Variants in SALL4 observed in about 807,000 individuals in gnomAD.
SALL4 encodes the protein spalt like transcription factor 4.
In SALL4, 4 loss-of-function variants were observed where a neutral mutation model predicts 60.8. That is an observed-to-expected ratio of 0.07 (90% CI 0.03 to 0.15). The LOEUF (loss-of-function observed/expected upper bound fraction) is 0.15, where lower values mean the gene tolerates loss of function less well. SALL4 is among the 10% of genes least tolerant of loss of function. The pLI is 1.00. For synonymous variants in SALL4, 580 were observed against 574.9 expected (o/e 1.01, Z -0.13); for missense variants, 1,178 against 1,394.7 (o/e 0.84, Z 2.48).
In SALL4 at chr20:51,802,467, C is replaced by T; in HGVS notation, c.-59G>A. On this transcript the variant is annotated 5_prime_UTR_variant, in exon 1 of 4. Transcript: ENST00000217086. ...TTATTTGCCCTCTCCGCCACAAATTCCTGGAGTTGGGAAATTTACCCCCCT... is the reference window on the plus strand; with the variant it reads ...TTATTTGCCCTCTCCGCCACAAATTTCTGGAGTTGGGAAATTTACCCCCCT... 1 of 1,610,404 alleles carries T rather than the reference C, an allele frequency of 6.2e-7. No homozygotes were observed. The highest frequency in any genetic ancestry group is 8.5e-7 in the Non-Finnish European group (1 of 1,178,952).
chr20:51,792,821 G>T (rs902279597), intron 1 of SALL4: 1 of 1,038,742 alleles, frequency 9.6e-7, no homozygotes, highest in Non-Finnish European at 1.2e-6. Flanking sequence ...TTAGCCAGAT[G>T]CTGGGGTCCT....
At chr20:51,795,370 G>A (rs961052425) in intron 1 of SALL4, among the ~76,000 whole-genome samples, 2 of 152,168 alleles carry the variant, frequency 1.3e-5, no homozygotes, top group Admixed American at 1.3e-4. Flanking sequence ...CAGTGCCACT[G>A]CACTCCAGCC....
rs1351898207 is a variant in SALL4 at position 51,792,277 on chromosome 20, T to C, written c.206A>G (p.Glu69Gly). The C allele has an allele frequency of 1.3e-5, 21 of 1,612,268 alleles. No individual in the cohort carries two copies. Among genetic ancestry groups the C allele is most frequent in the Non-Finnish European group, 1.8e-5 (21 of 1,180,028 alleles). ...DEATVKRLRR[E>G]ETHVCEKCCA... ...GCATTTCTCACAGACGTGCGTCTCC[T>C]CCCGACGAAGCCGCTTTACTGTGGC... The change falls in exon 2 of 4, where the codon GAG becomes GGG. Residue 69 changes from glutamate to glycine, a missense_variant. Coordinates refer to ENST00000217086, the MANE Select transcript of SALL4 (RefSeq NM_020436.5).
Position 51,788,739 on chromosome 20 carries a change from A to T in SALL4, c.2742+122T>A. 1.7e-6 allele frequency: 2 copies of T among 1,202,768 alleles called. No individual in the cohort carries two copies. The highest frequency in any genetic ancestry group is 1.2e-5 in the South Asian group (1 of 81,710). The allele number at this position is 1,202,768 out of a possible 1,614,324, so 74.5% of individuals were successfully genotyped here. ...ATAAACAAACTCCTGGACTCAAGCA[A>T]TCCTCCCACCTCGGCCTCCCAAAGG... On this transcript the variant is annotated intron_variant, in intron 3 of 3. Coordinates refer to ENST00000217086, the MANE Select transcript of SALL4 (RefSeq NM_020436.5). This position sits in a 1 kb window ranked among gnomAD's most constrained non-coding sequence, Gnocchi z 4.1.
At position 51,784,655 on chromosome 20, in the gene SALL4, A is replaced by G; in HGVS notation, c.2772T>C (p.Asn924=). 1.2e-6 allele frequency: 2 copies of G among 1,614,188 alleles called. No individual in the cohort carries two copies. Among genetic ancestry groups the G allele is most frequent in the Non-Finnish European group, 1.7e-6 (2 of 1,180,024 alleles). ...ACTTCCTTCCACGGCGGGCTGAGTT[A>G]TTGTTCGCCCCGTGTGTCATGTAGT... ...KVHYMTHGAN[N]NSARRGRKLA... is the part of the protein sequence containing the mutation. Residue 924 remains asparagine, a synonymous_variant, in exon 4 of 4, where the codon AAT becomes AAC. Transcript: ENST00000217086.
At position 51,790,474 on chromosome 20, in the gene SALL4, G is replaced by A; in HGVS notation, c.2009C>T (p.Pro670Leu). Reference sequence around the variant, plus strand: ...GCTGCCGTTCTCACCCACGGTCATTGGCTCAGAACCCGTAAAGTCACAGGG... The same window carrying A: ...GCTGCCGTTCTCACCCACGGTCATTAGCTCAGAACCCGTAAAGTCACAGGG... ...ENPCDFTGSE[P>L]MTVGENGSTG... is the part of the protein sequence containing the mutation. Residue 670 changes from proline (P) to leucine (L), a missense_variant, in exon 2 of 4, where the codon CCA becomes CTA. Physicochemically the swap from Pro to Leu is moderately conservative, Grantham distance 98. Around this residue, in one of 5 missense-constraint regions of SALL4, gnomAD observed 853 missense variants for 1,036.8 expected, o/e 0.82. Transcript: ENST00000217086. This position sits in a 1 kb window ranked among gnomAD's most constrained non-coding sequence, Gnocchi z 5.5. 1.9e-6 allele frequency: 3 copies of A among 1,614,092 alleles called. No individual in the cohort carries two copies. The highest frequency in any genetic ancestry group is 2.5e-6 in the Non-Finnish European group (3 of 1,180,048).
intron 2 of SALL4, among the ~76,000 whole-genome samples, 166 bp from the exon 3 acceptor site, chr20:51,789,307 G>C (rs1162041574): frequency 2.0e-5 from 3 of 151,160 alleles, no homozygotes; most frequent in Non-Finnish European, 1.5e-5. Context: ...TCTGCACAAA[G>C]AATAAAGCTT....
intron 1 of SALL4, 34 bp downstream of exon 1, chr20:51,802,245 C>G (rs202052776): frequency 6.4e-7 from 1 of 1,566,736 alleles, no homozygotes; most frequent in African/African-American, 1.4e-5. Context: ...CCGGGAAGCT[C>G]CCCTCCCCGG....
intron 3 of SALL4, among the ~76,000 whole-genome samples, chr20:51,785,601 A>G (rs1050737360): frequency 2.0e-5 from 3 of 152,064 alleles, no homozygotes; most frequent in Non-Finnish European, 4.4e-5. Context: ...AAAACCTACT[A>G]TATCCTGGGC....
rs2122949637 is a variant in SALL4 at position 51,783,592 on chromosome 20, G to A, written c.*673C>T. On this transcript the variant is annotated 3_prime_UTR_variant, in exon 4 of 4. Coordinates refer to ENST00000217086, the MANE Select transcript of SALL4 (RefSeq NM_020436.5). ...TGTCTTTTCCACTGTTGTTCAGTAA[G>A]TTCCAACGATTCTACCTTGAAATAG... The A allele has an allele frequency of 6.5e-6, 1 of 153,066 alleles. No homozygotes were observed. Among genetic ancestry groups the A allele is most frequent in the South Asian group, 2.1e-4 (1 of 4,870 alleles). The allele number at this position is 153,066 out of a possible 1,614,324, so 9.5% of individuals were successfully genotyped here. A position where few individuals can be genotyped will look rare whatever the true frequency, so the allele number is the denominator to read the frequency against.
At position 51,788,323 on chromosome 20, in the gene SALL4, T is replaced by TTGTGTGTGTGTGTGTGTG. The variant is rs3030173; in HGVS notation, c.2742+520_2742+537dup. 7.1e-6 allele frequency among the ~76,000 whole-genome samples: 1 copy of TTGTGTGTGTGTGTGTGTG among 141,838 alleles called. No individual in the cohort carries two copies. Among genetic ancestry groups the TTGTGTGTGTGTGTGTGTG allele is most frequent in the African/African-American group, 2.6e-5 (1 of 37,786 alleles). The allele number at this position is 141,838 out of a possible 152,430, so 93.1% of individuals were successfully genotyped here. A position where few individuals can be genotyped will look rare whatever the true frequency, so the allele number is the denominator to read the frequency against. ...GCATGCAACACCATGCCCAACTAAT[T>TTGTGTGTGTGTGTGTGTG]TGTGTGTGTGTGTGTGTGTGTGTGT... On this transcript the variant is annotated intron_variant, in intron 3 of 3. Coordinates refer to ENST00000217086, the MANE Select transcript of SALL4 (RefSeq NM_020436.5). This position sits in a 1 kb window ranked among gnomAD's most constrained non-coding sequence, Gnocchi z 4.1.
Position 51,788,155 on chromosome 20 carries a change from A to G in SALL4, c.2742+706T>C, listed in dbSNP as rs2078005802. On this transcript the variant is annotated intron_variant, in intron 3 of 3. Coordinates refer to ENST00000217086, the MANE Select transcript of SALL4 (RefSeq NM_020436.5). This position sits in a 1 kb window ranked among gnomAD's most constrained non-coding sequence, Gnocchi z 4.1. ...TTCTAATTTTTAAAATTAAAATGTA[A>G]ACATTTTAATTTTTTTAAGAGACAA... Among the ~76,000 whole-genome samples the G allele has an allele frequency of 6.7e-6, 1 of 149,766 alleles. No homozygotes were observed. Among genetic ancestry groups the G allele is most frequent in the Admixed American group, 6.6e-5 (1 of 15,154 alleles).
chr20:51,793,002 T>C (rs1253203478), intron 1 of SALL4: 2 of 983,562 alleles, frequency 2.0e-6, no homozygotes, highest in Non-Finnish European at 2.4e-6. Flanking sequence ...ACACAAGACA[T>C]TCACACGAGC....
intron 1 of SALL4, chr20:51,797,702 ACCCCAC>A (rs1370577048): frequency 7.6e-6 from 1 of 132,342 alleles, no homozygotes; most frequent in African/African-American, 2.8e-5. Context: ...CCATTTCTCC[ACCCCAC>A]CCCCACCCCG....
chr20:51,798,421 CT>C (rs2078091123), intron 1 of SALL4, among the ~76,000 whole-genome samples: 1 of 144,300 alleles, frequency 6.9e-6, no homozygotes, highest in African/African-American at 2.6e-5. Context: ...CAGAGCCCCC[CT>C]GAACAAATCC....
chr20:51,790,821 C>T lies in SALL4; in HGVS notation c.1662G>A (p.Leu554=). 1 of 1,614,072 alleles carries T rather than the reference C, an allele frequency of 6.2e-7. No homozygotes were observed. Among genetic ancestry groups the T allele is most frequent in the Non-Finnish European group, 8.5e-7 (1 of 1,180,022 alleles). ...TGGTGGCCTTGTCAATGTTCTCCACCAACTGCTGCAATTTCAGGGTCTCTG... is the reference window on the plus strand; with the variant it reads ...TGGTGGCCTTGTCAATGTTCTCCACTAACTGCTGCAATTTCAGGGTCTCTG... ...PGSETLKLQQ[L]VENIDKATTD... The change falls in exon 2 of 4, where the codon TTG becomes TTA. Residue 554 remains leucine, a synonymous_variant. Coordinates refer to ENST00000217086, the MANE Select transcript of SALL4 (RefSeq NM_020436.5). The surrounding 1 kb of genome is among the most constrained non-coding windows in gnomAD (Gnocchi z 5.5).
chr20:51,789,378 T>A (rs1363193064), intron 2 of SALL4, among the ~76,000 whole-genome samples: 1 of 151,954 alleles, frequency 6.6e-6, no homozygotes, highest in Non-Finnish European at 1.5e-5. Flanking sequence ...GGGCAACATA[T>A]AAACACATAT....
At position 51,801,408 on chromosome 20, in the gene SALL4, A is replaced by G. The variant is rs1388265408; in HGVS notation, c.130+871T>C. 1 of 152,256 alleles carries G rather than the reference A, an allele frequency of 6.6e-6. No homozygotes were observed. The highest frequency in any genetic ancestry group is 2.4e-5 in the African/African-American group (1 of 41,448). The allele number at this position is 152,256 out of a possible 1,614,324, so 9.4% of individuals were successfully genotyped here. On this transcript the variant is annotated intron_variant, in intron 1 of 3. Coordinates refer to ENST00000217086, the MANE Select transcript of SALL4 (RefSeq NM_020436.5). This position sits in a 1 kb window ranked among gnomAD's most constrained non-coding sequence, Gnocchi z 5.2. Reference sequence around the variant, plus strand: ...GCAAATGTGGAAAGCCGAGCGCTCCAGAAAAGCCACGCAAAACGGGAGGCC... The same window carrying G: ...GCAAATGTGGAAAGCCGAGCGCTCCGGAAAAGCCACGCAAAACGGGAGGCC...
Position 51,791,925 on chromosome 20 carries a change from T to C in SALL4, c.558A>G (p.Leu186=), listed in dbSNP as rs1442100663. The change falls in exon 2 of 4, where the codon CTA becomes CTG. Residue 186 remains leucine, a synonymous_variant. Transcript: ENST00000217086. The surrounding 1 kb of genome is among the most constrained non-coding windows in gnomAD (Gnocchi z 4.6). ...GATTCACCGCCACCTTGGTGCCCCG[T>C]AGTGCCTGCAAGGTCACATTAGTGT... ...VANTNVTLQA[L]RGTKVAVNQR... is the part of the protein sequence containing the mutation. 2.5e-6 allele frequency: 4 copies of C among 1,614,240 alleles called. No homozygotes were observed. Among genetic ancestry groups the C allele is most frequent in the Non-Finnish European group, 2.5e-6 (3 of 1,180,038 alleles).
Sources: gnomAD v4.1 joint callset for allele counts (sites outside exome capture counted in the v4.1 genomes callset) on GRCh38, gnomAD v4.1.1 for gene constraint, gnomAD v4.1.1 regional missense constraint, Gnocchi (gnomAD v3.1) non-coding constraint, MANE v1.5 for transcripts, NCBI Gene and HGNC (gene_info 2026-07-23, HGNC 2026-07-21) for gene names.